The following SERPINB8 variants were observed in gnomAD, a reference collection of about 807,000 sequenced individuals.
The protein encoded by SERPINB8 is serpin family B member 8, also known as serpin B8.
SERPINB8 carries 25 observed loss-of-function variants against 35.3 expected under a neutral mutation model. That is an observed-to-expected ratio of 0.71 (90% CI 0.52 to 0.99). The LOEUF is 0.99. Ranked by LOEUF, SERPINB8 falls within the 50% of genes least tolerant of loss-of-function variation. The pLI, the probability that SERPINB8 is intolerant of heterozygous loss-of-function variation, is 0.00. For missense variants in SERPINB8, 484 were observed against 446.5 expected, an observed-to-expected ratio of 1.08 and a Z score of -0.76; for synonymous variants, 186 against 160.8, an observed-to-expected ratio of 1.16 and a Z score of -1.19.
intron 1 of SERPINB8, among the ~76,000 whole-genome samples, chr18:63,975,074 A>G (rs1208730081): frequency 6.6e-6 from 1 of 151,768 alleles, no homozygotes; most frequent in Non-Finnish European, 1.5e-5. Context: ...TATTGAAACT[A>G]TTGATTCAAT....
intron 7 of SERPINB8, among the ~76,000 whole-genome samples, chr18:64,011,051 A>C (rs992714759): frequency 2.0e-5 from 3 of 152,014 alleles, no homozygotes; most frequent in Admixed American, 2.0e-4. Flanking sequence ...CATGGTATAA[A>C]ATGATGTGAC....
At chr18:63,986,360 A>G (rs2144821165) in intron 6 of SERPINB8, 5 of 1,585,556 alleles carry the variant, frequency 3.2e-6, no homozygotes, top group Non-Finnish European at 4.3e-6. Context: ...TTCTCGTCTC[A>G]TGCTCCCTTC....
chr18:63,981,873 C>G, intron 4 of SERPINB8, 35 bp downstream of exon 4: 1 of 1,463,454 alleles, frequency 6.8e-7, no homozygotes, highest in Non-Finnish European at 9.5e-7. Context: ...TTTGGAATTA[C>G]TATACAACGA....
rs796879916 is a variant in SERPINB8 at position 64,000,387 on chromosome 18, A to C, written c.71-4432A>C. Among the ~76,000 whole-genome samples, 35 of 152,334 alleles carry C rather than the reference A, an allele frequency of 2.3e-4. 1 individual carries two copies. The highest frequency in any genetic ancestry group is 8.2e-4 in the African/African-American group (34 of 41,578). ...TTTGCTTCTTTCAAGGATCCTGAAA[A>C]ATTAAGAGGTGAAGTTGAAGAGTAC... On this transcript the variant is annotated intron_variant, in intron 1 of 1. Transcript: ENST00000493661.
Position 63,987,475 on chromosome 18 carries a change from G to A in SERPINB8, c.*197G>A. 1.6e-6 allele frequency: 1 copy of A among 606,342 alleles called. No individual in the cohort carries two copies. The highest frequency in any genetic ancestry group is 2.8e-6 in the Non-Finnish European group (1 of 357,272). The allele number at this position is 606,342 out of a possible 1,614,324, so 37.6% of individuals were successfully genotyped here. ...CCGCAGATGCATGAAATTTGGGCCT[G>A]GGAAGGCTATGCTGGTTTTGGAGTG... On this transcript the variant is annotated 3_prime_UTR_variant, in exon 7 of 7. Transcript: ENST00000397985.
chr18:64,017,779 T>C (rs973176956), intron 7 of SERPINB8, among the ~76,000 whole-genome samples: 1 of 152,178 alleles, frequency 6.6e-6, no homozygotes, highest in South Asian at 2.1e-4. Flanking sequence ...TTGCACACCA[T>C]CAGCCTCCTA....
intron 1 of SERPINB8, among the ~76,000 whole-genome samples, chr18:63,977,029 G>A (rs973796468): frequency 1.3e-5 from 2 of 151,974 alleles, no homozygotes; most frequent in African/African-American, 2.4e-5. Flanking sequence ...CAGAAATACA[G>A]TTTTTATTGA....
intron 4 of SERPINB8, among the ~76,000 whole-genome samples, chr18:63,983,349 G>A (rs1252532900): frequency 6.6e-6 from 1 of 152,156 alleles, no homozygotes; most frequent in Non-Finnish European, 1.5e-5. Context: ...TCCATAAATT[G>A]AGGGCAAAAT....
At chr18:63,971,195 C>T (rs1007554906) in intron 1 of SERPINB8, among the ~76,000 whole-genome samples, 2 of 152,186 alleles carry the variant, frequency 1.3e-5, no homozygotes, top group African/African-American at 4.8e-5. Flanking sequence ...TCCTCTGTCT[C>T]TTCCTTTTAC....
chr18:64,016,368 C>A (rs1480892728), intron 7 of SERPINB8, among the ~76,000 whole-genome samples: 3 of 152,102 alleles, frequency 2.0e-5, no homozygotes, highest in Non-Finnish European at 4.4e-5. Flanking sequence ...TCCATAAAAC[C>A]CAGGACCTAC....
At chr18:63,979,969 A>C (rs761157943) in intron 3 of SERPINB8, 31 bp downstream of exon 3, 1 of 1,609,438 alleles carries the variant, frequency 6.2e-7, no homozygotes, top group Non-Finnish European at 8.5e-7. Context: ...GATGACAAAG[A>C]AATTGAAAGT....
At position 63,985,087 on chromosome 18, in the gene SERPINB8, C is replaced by A; in HGVS notation, c.568-6C>A. On this transcript the variant is annotated splice_region_variant and splice_polypyrimidine_tract_variant and intron_variant, in intron 5 of 6. Transcript: ENST00000397985. ...TTCAGTAATCGAACTTTAATTTTTC[C>A]GTTAGGAAAAAAAGACAGTGCAGAT... is the stretch of plus-strand genomic sequence containing the variant. 6.2e-7 allele frequency: 1 copy of A among 1,611,348 alleles called. No homozygotes were observed. Among genetic ancestry groups the A allele is most frequent in the Non-Finnish European group, 8.5e-7 (1 of 1,178,572 alleles).
At chr18:63,976,672 T>G (rs1027174562) in intron 1 of SERPINB8, among the ~76,000 whole-genome samples, 7 of 152,216 alleles carry the variant, frequency 4.6e-5, no homozygotes, top group African/African-American at 1.7e-4. Flanking sequence ...TTTAGTTTGT[T>G]TATTTAGTCA....
chr18:63,990,470 T>C (rs1390816716), downstream of SERPINB8, among the ~76,000 whole-genome samples: 1 of 152,192 alleles, frequency 6.6e-6, no homozygotes, highest in African/African-American at 2.4e-5. Context: ...TCCCAGCTCA[T>C]GGCTTCAATT....
intron 7 of SERPINB8, among the ~76,000 whole-genome samples, chr18:64,015,224 G>T (rs1484295811): frequency 6.6e-5 from 10 of 152,166 alleles, no homozygotes; most frequent in African/African-American, 2.4e-4. Context: ...AGCATTTGGT[G>T]AACTTCAACT....
rs191970200 is a variant in SERPINB8, at chr18:64,001,295, G to A, written c.71-3524G>A. Reference sequence around the variant, plus strand: ...CTAGAATTAGTGGTGATAGTGTCACGAGTCTGTGAATATACTAAAAATCAC... The same window carrying A: ...CTAGAATTAGTGGTGATAGTGTCACAAGTCTGTGAATATACTAAAAATCAC... On this transcript the variant is annotated intron_variant, in intron 1 of 1. Transcript: ENST00000493661. 2.3e-3 allele frequency among the ~76,000 whole-genome samples: 351 copies of A among 152,206 alleles called. 2 individuals are homozygous for A. The highest frequency in any genetic ancestry group is 6.8e-3 in the Middle Eastern group (2 of 294).
chr18:64,014,380 T>G (rs2050939983), intron 7 of SERPINB8, among the ~76,000 whole-genome samples: 1 of 152,148 alleles, frequency 6.6e-6, no homozygotes, highest in African/African-American at 2.4e-5. Flanking sequence ...ATTTTGAACC[T>G]GTTACAATTG....
chr18:63,981,565 C>A (rs892625831), intron 3 of SERPINB8, among the ~76,000 whole-genome samples, 156 bp from the exon 4 acceptor site: 1 of 152,080 alleles, frequency 6.6e-6, no homozygotes, highest in Admixed American at 6.5e-5. Context: ...GAATAGGTGG[C>A]CCATACATTT....
intron 3 of SERPINB8, among the ~76,000 whole-genome samples, 174 bp from the exon 4 acceptor site, chr18:63,981,547 C>T (rs1326792348): frequency 2.0e-5 from 3 of 152,162 alleles, no homozygotes; most frequent in Non-Finnish European, 2.9e-5. Context: ...TTGCCCAGTA[C>T]CAGGCAAGAA....
Sources: allele counts gnomAD v4.1 joint callset (sites outside exome capture counted in the v4.1 genomes callset), GRCh38; gene constraint gnomAD v4.1.1; transcripts MANE v1.5; gene names NCBI Gene and HGNC (gene_info 2026-07-23, HGNC 2026-07-21).